The following SGPP2 variants were observed in gnomAD, a reference collection of about 807,000 sequenced individuals.
SGPP2 encodes the protein sphingosine 1-phosphate phosphohydrolase 2.
In SGPP2, 30 loss-of-function variants were observed where a neutral mutation model predicts 33.9. The observed-to-expected ratio is 0.89, with a 90% CI of 0.66 to 1.20. SGPP2 has a LOEUF of 1.20. Ranked by LOEUF, SGPP2 falls within the 50% of genes most tolerant of loss-of-function variation. SGPP2 has a pLI of 0.00. For synonymous variants in SGPP2, 233 were observed against 225.0 expected, an observed-to-expected ratio of 1.04 and a Z score of -0.32; for missense variants, 458 against 532.1, an observed-to-expected ratio of 0.86 and a Z score of 1.37.
At chr2:222,489,685 G>A (rs1034035853) in intron 2 of SGPP2, among the ~76,000 whole-genome samples, 1 of 152,138 alleles carries the variant, frequency 6.6e-6, no homozygotes, top group Non-Finnish European at 1.5e-5. Context: ...AACTCTGTGG[G>A]CGGTGTGCGG....
intron 2 of SGPP2, among the ~76,000 whole-genome samples, chr2:222,515,409 A>G (rs1485210766): frequency 1.3e-5 from 2 of 151,936 alleles, no homozygotes; most frequent in African/African-American, 4.8e-5. Flanking sequence ...GCTCATTGCA[A>G]CCTCCGCCTC....
chr2:222,519,571 C>T (rs1386181543), intron 2 of SGPP2, among the ~76,000 whole-genome samples: 2 of 152,150 alleles, frequency 1.3e-5, no homozygotes, highest in African/African-American at 2.4e-5. Flanking sequence ...AAAAAATCAA[C>T]TTTCATTTTA....
intron 2 of SGPP2, among the ~76,000 whole-genome samples, chr2:222,511,697 A>G (rs970213445): frequency 2.6e-5 from 4 of 152,164 alleles, no homozygotes; most frequent in African/African-American, 4.8e-5. Flanking sequence ...AGTAATTTTT[A>G]TTCTTTTGAG....
chr2:222,487,678 C>A (rs897279400), intron 2 of SGPP2, among the ~76,000 whole-genome samples: 1 of 152,148 alleles, frequency 6.6e-6, no homozygotes, highest in African/African-American at 2.4e-5. Context: ...TAGGGGCTTT[C>A]ACAGGAGAGA....
intron 2 of SGPP2, among the ~76,000 whole-genome samples, chr2:222,514,340 A>G (rs1248061348): frequency 1.3e-5 from 2 of 152,334 alleles, no homozygotes; most frequent in East Asian, 1.9e-4. Flanking sequence ...CAAATGATGA[A>G]CAATTCTTTT....
intron 4 of SGPP2, among the ~76,000 whole-genome samples, chr2:222,552,185 C>A (rs79460460): frequency 0.039 from 6,012 of 152,228 alleles, 195 homozygotes; most frequent in African/African-American, 0.084. Flanking sequence ...GTGTAAATAT[C>A]TTTTTCGTAT....
Position 222,530,685 on chromosome 2 carries a change from C to T in SGPP2, c.648+5652C>T, listed in dbSNP as rs553035566. On this transcript the variant is annotated intron_variant, in intron 4 of 4. Coordinates refer to ENST00000321276, the MANE Select transcript of SGPP2 (RefSeq NM_152386.4). The stretch of plus-strand genomic sequence containing the variant: ...CTTCTAACCAGGCCACTCAAACTTT[C>T]TCTATAATAAGGCTGTTTAATTTTC... 3.3e-5 allele frequency among the ~76,000 whole-genome samples: 5 copies of T among 152,300 alleles called. No individual in the cohort carries two copies. In the East Asian group the frequency reaches 9.6e-4, roughly 29 times the overall value.
chr2:222,462,808 GA>G (rs999930962), intron 1 of SGPP2, among the ~76,000 whole-genome samples: 1 of 151,464 alleles, frequency 6.6e-6, no homozygotes, highest in Non-Finnish European at 1.5e-5. Flanking sequence ...GTGTTAATCA[GA>G]AAAAAAATTG....
At chr2:222,532,658 T>C (rs527465931) in intron 4 of SGPP2, among the ~76,000 whole-genome samples, 33 of 152,340 alleles carry the variant, frequency 2.2e-4, no homozygotes, top group African/African-American at 7.0e-4. Flanking sequence ...GCTGAATCCG[T>C]TCTGGCTCTT....
chr2:222,424,822 G>GTAA lies in SGPP2; in HGVS notation c.219+2_219+4dup. The GTAA allele has an allele frequency of 7.3e-7, 1 of 1,362,306 alleles. No homozygotes were observed. The highest frequency in any genetic ancestry group is 9.4e-7 in the Non-Finnish European group (1 of 1,060,218). The allele number at this position is 1,362,306 out of a possible 1,614,324, so 84.4% of individuals were successfully genotyped here. A position where few individuals can be genotyped will look rare whatever the true frequency, so the allele number is the denominator to read the frequency against. ...GCTGCGCAGAGCCGCGGCGCCGGAG[G>GTAA]TAACCATGGGCAGGTGTTCGCCGGG... On this transcript the variant is annotated splice_donor_variant, in intron 1 of 4. Transcript: ENST00000321276. LOFTEE classifies it high-confidence loss of function.
intron 2 of SGPP2, among the ~76,000 whole-genome samples, chr2:222,515,677 T>C (rs998761852): frequency 4.6e-5 from 7 of 151,990 alleles, no homozygotes. Flanking sequence ...TACTATACAA[T>C]TCACCCATTT....
intron 2 of SGPP2, among the ~76,000 whole-genome samples, chr2:222,507,998 T>G (rs1698470883): frequency 6.6e-6 from 1 of 152,228 alleles, no homozygotes; most frequent in Non-Finnish European, 1.5e-5. Flanking sequence ...TGCTCTACAT[T>G]TCCTAGGACT....
At chr2:222,504,562 G>A (rs7559414) in intron 2 of SGPP2, 121,155 of 152,206 alleles carry the variant, frequency 0.8, 51,894 homozygotes, top group East Asian at 0.98. Context: ...TAAAGAGTGC[G>A]GTGGGCTCTA....
At chr2:222,515,128 T>C (rs1003591211) in intron 2 of SGPP2, among the ~76,000 whole-genome samples, 1 of 152,136 alleles carries the variant, frequency 6.6e-6, no homozygotes, top group African/African-American at 2.4e-5. Context: ...TCTTAACTGA[T>C]GTCCTTCCTT....
At chr2:222,480,398 T>C (rs921284444) in intron 2 of SGPP2, among the ~76,000 whole-genome samples, 1 of 152,192 alleles carries the variant, frequency 6.6e-6, no homozygotes, top group Non-Finnish European at 1.5e-5. Context: ...ATGGCATTCA[T>C]AATGAGATGT....
chr2:222,430,339 T>C (rs1697134748), intron 1 of SGPP2, among the ~76,000 whole-genome samples: 1 of 152,182 alleles, frequency 6.6e-6, no homozygotes. Flanking sequence ...CAGCAGGAAA[T>C]AGTTGGTCTA....
intron 2 of SGPP2, among the ~76,000 whole-genome samples, chr2:222,495,813 C>T (rs1698271563): frequency 6.6e-6 from 1 of 152,164 alleles, no homozygotes. Flanking sequence ...TACCTGCCAC[C>T]TTGACTTGAC....
chr2:222,467,689 G>A (rs1286323649), intron 1 of SGPP2, among the ~76,000 whole-genome samples: 1 of 152,040 alleles, frequency 6.6e-6, no homozygotes, highest in African/African-American at 2.4e-5. Context: ...CCACTGTGGA[G>A]GGAAGGCTGC....
At chr2:222,525,403 C>A (rs1232763291) in intron 4 of SGPP2, among the ~76,000 whole-genome samples, 1 of 152,138 alleles carries the variant, frequency 6.6e-6, no homozygotes, top group African/African-American at 2.4e-5. Flanking sequence ...TAGGTCCTCA[C>A]AGAGAGGGGC....
Sources: gnomAD v4.1 joint callset for allele counts (sites outside exome capture counted in the v4.1 genomes callset) on GRCh38, gnomAD v4.1.1 for gene constraint, MANE v1.5 for transcripts, NCBI Gene and HGNC (gene_info 2026-07-23, HGNC 2026-07-21) for gene names.